Variants in DPCD observed in about 807,000 individuals in gnomAD.
The protein encoded by DPCD is deleted in primary ciliary dyskinesia homolog (mouse), also known as protein DPCD.
In DPCD, 20 loss-of-function variants were observed where a neutral mutation model predicts 26.4. That is an observed-to-expected ratio of 0.76 (90% CI 0.53 to 1.10). DPCD has a LOEUF of 1.10. Among genes scored for constraint, DPCD ranks in the 50% least tolerant of loss-of-function variants. The pLI, the probability that DPCD is intolerant of heterozygous loss-of-function variation, is 0.00. For synonymous variants in DPCD, 97 were observed against 94.2 expected (o/e 1.03, Z -0.17); for missense variants, 202 against 253.9 (o/e 0.80, Z 1.39).
intron 2 of DPCD, among the ~76,000 whole-genome samples, chr10:101,597,010 C>T (rs796310063): frequency 4.4e-4 from 67 of 152,242 alleles, no homozygotes; most frequent in African/African-American, 1.5e-3. Flanking sequence ...CCTACCCTCT[C>T]AGTGCTATTC....
In DPCD at chr10:101,594,689, C is replaced by G. The variant is rs561524625; in HGVS notation, c.96C>G (p.Asp32Glu). 9.3e-6 allele frequency: 15 copies of G among 1,614,034 alleles called. No homozygotes were observed. In the East Asian group the frequency reaches 2.7e-4, roughly 29 times the overall value. ...GGAAGGTTCACTATTTATTCCCAGA[C>G]GGCAAGGAAATGGCTGAAGAATATG... ...GRRKVHYLFP[D>E]GKEMAEEYDE... The change falls in exon 2 of 6, where the codon GAC becomes GAG. Residue 32 changes from aspartate to glutamate, a missense_variant. By Grantham distance (45) the Asp-to-Glu change is conservative. This residue lies in a region of DPCD where 37 missense variants were observed against 76.0 expected (regional missense o/e 0.49). Transcript: ENST00000370151.
intron 2 of DPCD, among the ~76,000 whole-genome samples, chr10:101,598,728 G>A (rs1435145093): frequency 1.4e-5 from 2 of 145,368 alleles, no homozygotes; most frequent in African/African-American, 2.5e-5. Context: ...AGGTTCAAGC[G>A]ATTCTCCTGC....
At position 101,603,021 on chromosome 10, in the gene DPCD, A is replaced by G. The variant is rs145896560; in HGVS notation, c.404+1685A>G. On this transcript the variant is annotated intron_variant, in intron 4 of 5. Coordinates refer to ENST00000370151, the MANE Select transcript of DPCD (RefSeq NM_015448.3). This position sits in a 1 kb window ranked among gnomAD's most constrained non-coding sequence, Gnocchi z 4.6. Reference sequence around the variant, plus strand: ...GAGGCCCAGGCTAGCTCTCAAGGCAAGCAGGGGTTGTTGGACATTTTTGAA... The same window carrying G: ...GAGGCCCAGGCTAGCTCTCAAGGCAGGCAGGGGTTGTTGGACATTTTTGAA... Among the ~76,000 whole-genome samples the G allele has an allele frequency of 6.0e-3, 919 of 152,378 alleles. 3 individuals carry two copies. Among genetic ancestry groups the G allele is most frequent in the Admixed American group, 8.0e-3 (123 of 15,308 alleles).
chr10:101,596,610 C>CTGA (rs2063653790), intron 2 of DPCD: 1 of 152,132 alleles, frequency 6.6e-6, no homozygotes, highest in South Asian at 2.1e-4. Context: ...TGAGTGTGGA[C>CTGA]TGATGGGCAG....
At chr10:101,602,648 A>C (rs552852476) in intron 4 of DPCD, among the ~76,000 whole-genome samples, 1 of 152,312 alleles carries the variant, frequency 6.6e-6, no homozygotes, top group South Asian at 2.1e-4. Flanking sequence ...CCTAAAGTGG[A>C]ATTTAGCAAT....
In DPCD at chr10:101,588,657, A is replaced by G. The variant is rs569749046; in HGVS notation, c.64+257A>G. On this transcript the variant is annotated intron_variant, in intron 1 of 5. Transcript: ENST00000370151. ...TGTTGCTAATATAGTAATTTCTTTTACATTCATTATCTCATTTGCTCCTCA... is the reference window on the plus strand; with the variant it reads ...TGTTGCTAATATAGTAATTTCTTTTGCATTCATTATCTCATTTGCTCCTCA... 80 of 1,308,484 alleles carry G rather than the reference A, an allele frequency of 6.1e-5. No individual in the cohort carries two copies. In the East Asian group the frequency reaches 2.5e-3, roughly 41 times the overall value. The allele number at this position is 1,308,484 out of a possible 1,614,324, so 81.1% of individuals were successfully genotyped here.
At chr10:101,609,294 G>C (rs908591045) in intron 5 of DPCD, 73 bp from the exon 6 acceptor site, 1 of 1,471,944 alleles carries the variant, frequency 6.8e-7, no homozygotes, top group African/African-American at 1.4e-5. Flanking sequence ...AGAAGGAGAA[G>C]GGGCCCCAAG....
chr10:101,604,310 A>T (rs2134777927), intron 4 of DPCD, among the ~76,000 whole-genome samples: 1 of 152,322 alleles, frequency 6.6e-6, no homozygotes, highest in Middle Eastern at 3.4e-3. Context: ...CTCTCCTGAT[A>T]CTCAGACATC....
At chr10:101,605,200 C>T in intron 4 of DPCD, 1 of 1,550,424 alleles carries the variant, frequency 6.4e-7, no homozygotes, top group Non-Finnish European at 8.7e-7. Flanking sequence ...GTGTGCATGG[C>T]ACCCCCTCTG....
chr10:101,598,243 C>A (rs1048762395), intron 2 of DPCD, among the ~76,000 whole-genome samples: 14 of 150,460 alleles, frequency 9.3e-5, no homozygotes, highest in African/African-American at 3.5e-4. Flanking sequence ...TACAGGGGCA[C>A]CTCACTTATC....
At chr10:101,589,446 C>CT (rs1383524283) in intron 1 of DPCD, among the ~76,000 whole-genome samples, 1 of 152,158 alleles carries the variant, frequency 6.6e-6, no homozygotes, top group Non-Finnish European at 1.5e-5. Flanking sequence ...TTTCTGGGTC[C>CT]TAAAGAATTA....
At chr10:101,597,258 C>G (rs578112947) in intron 2 of DPCD, among the ~76,000 whole-genome samples, 17 of 152,366 alleles carry the variant, frequency 1.1e-4, no homozygotes, top group Admixed American at 7.2e-4. Flanking sequence ...TGAGCACTTT[C>G]ATCCCCAAGC....
intron 1 of DPCD, among the ~76,000 whole-genome samples, chr10:101,590,429 G>A (rs2063597898): frequency 6.6e-6 from 1 of 152,032 alleles, no homozygotes; most frequent in Non-Finnish European, 1.5e-5. Context: ...ATAGGACAGT[G>A]GTTTTTGTTT....
At position 101,609,633 on chromosome 10, in the gene DPCD, G is replaced by A. The variant is rs1393561179; in HGVS notation, c.*162G>A. 1 of 620,494 alleles carries A rather than the reference G, an allele frequency of 1.6e-6. No individual in the cohort carries two copies. Among genetic ancestry groups the A allele is most frequent in the African/African-American group, 1.8e-5 (1 of 54,126 alleles). 38.4% of individuals were successfully genotyped at this position (620,494 alleles called of 1,614,324 possible). On this transcript the variant is annotated 3_prime_UTR_variant, in exon 6 of 6. Transcript: ENST00000370151. The stretch of plus-strand genomic sequence containing the variant: ...CCAGTGAGTCATGGTCATATTTCCT[G>A]AGTAAAGTCATTCTGAGTTACTTAC...
intron 4 of DPCD, chr10:101,605,147 G>T (rs773096424): frequency 6.4e-7 from 1 of 1,550,574 alleles, no homozygotes; most frequent in South Asian, 1.2e-5. Context: ...AAGGCGGACT[G>T]GTTGGAGGCT....
intron 1 of DPCD, among the ~76,000 whole-genome samples, chr10:101,589,989 G>A (rs774750927): frequency 9.3e-5 from 14 of 150,856 alleles, no homozygotes; most frequent in Non-Finnish European, 2.1e-4. Flanking sequence ...CGAGGTAGAC[G>A]CAGCAGTGAG....
chr10:101,590,633 G>A (rs2134751131), intron 1 of DPCD, among the ~76,000 whole-genome samples: 1 of 142,848 alleles, frequency 7.0e-6, no homozygotes, highest in East Asian at 2.0e-4. Flanking sequence ...CACCCAGGCT[G>A]TGGGGTACGA....
rs772856520 is a variant in DPCD, at chr10:101,601,519, G to C, written c.404+183G>C. 57 of 162,708 alleles carry C rather than the reference G, an allele frequency of 3.5e-4. 1 individual carries two copies. The highest frequency in any genetic ancestry group is 1.2e-3 in the Admixed American group (19 of 15,640). 10.1% of individuals were successfully genotyped at this position (162,708 alleles called of 1,614,324 possible). A position where few individuals can be genotyped will look rare whatever the true frequency, so the allele number is the denominator to read the frequency against. On this transcript the variant is annotated intron_variant, in intron 4 of 5. Coordinates refer to ENST00000370151, the MANE Select transcript of DPCD (RefSeq NM_015448.3). ...GAATAATGTAATCAGCTCCATCGGG[G>C]AAGAGAAACTTGAATGAGTATCTAG...
intron 5 of DPCD, 61 bp from the exon 6 acceptor site, chr10:101,609,306 G>A: frequency 1.3e-6 from 2 of 1,550,872 alleles, no homozygotes; most frequent in South Asian, 1.1e-5. Flanking sequence ...GGCCCCAAGT[G>A]TGTGTGGAAG....
Sources: gnomAD v4.1 joint callset for allele counts (sites outside exome capture counted in the v4.1 genomes callset) on GRCh38, gnomAD v4.1.1 for gene constraint, gnomAD v4.1.1 regional missense constraint, Gnocchi (gnomAD v3.1) non-coding constraint, MANE v1.5 for transcripts, NCBI Gene and HGNC (gene_info 2026-07-23, HGNC 2026-07-21) for gene names.